MERTK: variants seen among roughly 807,000 people sequenced by gnomAD.
The protein encoded by MERTK is MER proto-oncogene, tyrosine kinase.
A neutral mutation model predicts 99.3 loss-of-function variants in MERTK; 69 were observed. The ratio of observed to expected loss-of-function variants is 0.70; its 90% CI spans 0.57 to 0.85. The LOEUF (loss-of-function observed/expected upper bound fraction) is 0.85. Among genes scored for constraint, MERTK ranks in the 40% least tolerant of loss-of-function variants. The pLI, the probability that MERTK is intolerant of heterozygous loss-of-function variation, is 0.00. For synonymous variants in MERTK, 426 were observed against 467.6 expected (o/e 0.91, Z 1.15); for missense variants, 1,125 against 1,249.4 (o/e 0.90, Z 1.50).
At position 112,022,167 on chromosome 2, in the gene MERTK, G is replaced by C. The variant is rs550873469; in HGVS notation, c.2350-91G>C. On this transcript the variant is annotated intron_variant, in intron 17 of 18. Transcript: ENST00000295408. The stretch of plus-strand genomic sequence containing the variant: ...TTGCCAGCTTTGTGCATGATCATCA[G>C]TGTTTAAGGAAATGACCTTTCCCAG... 5 of 1,559,206 alleles carry C rather than the reference G, an allele frequency of 3.2e-6. No individual in the cohort carries two copies. The South Asian group carries it at 5.6e-5, about 18-fold the overall frequency.
intron 1 of MERTK, among the ~76,000 whole-genome samples, chr2:111,919,218 TC>T (rs1328674997): frequency 1.3e-5 from 2 of 152,068 alleles, no homozygotes; most frequent in Non-Finnish European, 2.9e-5. Flanking sequence ...ATTTGCGAGC[TC>T]CATCCAGGCC....
At chr2:111,960,480 CAAAAAAAAAAAA>C (rs61179378) in intron 4 of MERTK, among the ~76,000 whole-genome samples, 9 of 75,926 alleles carry the variant, frequency 1.2e-4, no homozygotes, top group East Asian at 4.9e-4. Context: ...GTCTCAGTCT[CAAAAAAAAAAAA>C]AAAAAAAAAG....
chr2:111,970,372 T>G, intron 6 of MERTK, among the ~76,000 whole-genome samples: 1 of 151,706 alleles, frequency 6.6e-6, no homozygotes, highest in East Asian at 2.0e-4. Context: ...GACCAGGCTG[T>G]TCTCAAACTC....
intron 15 of MERTK, 81 bp downstream of exon 15, chr2:112,010,147 G>A (rs928721478): frequency 9.3e-7 from 1 of 1,078,364 alleles, no homozygotes; most frequent in Non-Finnish European, 1.4e-6. Context: ...ATCTAATCTT[G>A]AAAGTGAAGC....
chr2:111,968,019 C>T (rs1685391057), intron 5 of MERTK, 118 bp from the exon 6 acceptor site: 1 of 759,286 alleles, frequency 1.3e-6, no homozygotes, highest in Non-Finnish European at 2.3e-6. Context: ...AACATGTTTC[C>T]CTTTACTAAT....
intron 5 of MERTK, among the ~76,000 whole-genome samples, chr2:111,967,763 G>A (rs1468680511): frequency 6.6e-6 from 1 of 152,194 alleles, no homozygotes; most frequent in Non-Finnish European, 1.5e-5. Flanking sequence ...CGAGGGCAGG[G>A]CTATGACTCT....
intron 1 of MERTK, among the ~76,000 whole-genome samples, chr2:111,907,182 G>A (rs35735892): frequency 0.23 from 34,998 of 152,060 alleles, 4,342 homozygotes; most frequent in Middle Eastern, 0.37. Context: ...TGGGAGGTCA[G>A]GGTGGGTGGA....
chr2:111,997,063 A>T (rs1209159126), intron 9 of MERTK: 1 of 495,610 alleles, frequency 2.0e-6, no homozygotes, highest in Non-Finnish European at 3.6e-6. Context: ...TAATTGAAAA[A>T]TTGTATATAC....
intron 8 of MERTK, among the ~76,000 whole-genome samples, chr2:111,992,562 C>G (rs551161432): frequency 2.0e-5 from 3 of 152,066 alleles, no homozygotes; most frequent in South Asian, 4.2e-4. Context: ...ACCATCATGG[C>G]CAACATGGTG....
chr2:111,929,696 C>T (rs56348540), intron 2 of MERTK, among the ~76,000 whole-genome samples, 156 bp downstream of exon 2: 3,189 of 151,986 alleles, frequency 0.021, 56 homozygotes, highest in Middle Eastern at 0.068. Flanking sequence ...AAACGATTCT[C>T]CTGCCTCAGC....
chr2:111,932,644 A>G (rs1398107145), intron 2 of MERTK, among the ~76,000 whole-genome samples: 1 of 152,260 alleles, frequency 6.6e-6, no homozygotes. Flanking sequence ...GGAAAGAAAC[A>G]TGAAATGCAG....
intron 1 of MERTK, among the ~76,000 whole-genome samples, chr2:111,924,384 G>C (rs564006038): frequency 6.6e-6 from 1 of 152,112 alleles, no homozygotes. Flanking sequence ...TGCCAGGATC[G>C]CATCTTTCCT....
chr2:111,951,939 C>T (rs1188541985), intron 4 of MERTK, among the ~76,000 whole-genome samples: 1 of 151,560 alleles, frequency 6.6e-6, no homozygotes, highest in African/African-American at 2.4e-5. Context: ...AAAATCTGTC[C>T]ATCTCTGTTT....
At chr2:112,011,538 G>C (rs1330063927) in intron 15 of MERTK, among the ~76,000 whole-genome samples, 1 of 152,046 alleles carries the variant, frequency 6.6e-6, no homozygotes, top group African/African-American at 2.4e-5. Flanking sequence ...AATCACTTGA[G>C]GTCAGTTCGA....
At position 111,929,101 on chromosome 2, in the gene MERTK, T is replaced by G; in HGVS notation, c.62-19T>G. 1 of 1,614,152 alleles carries G rather than the reference T, an allele frequency of 6.2e-7. No homozygotes were observed. The highest frequency in any genetic ancestry group is 8.5e-7 in the Non-Finnish European group (1 of 1,180,008). On this transcript the variant is annotated intron_variant, in intron 1 of 18. Transcript: ENST00000295408. ...TCTTCTTATTTAAAAGGCTAAAATTTGGATGTTCTGTTTTACAGCTATCAC... is the reference window on the plus strand; with the variant it reads ...TCTTCTTATTTAAAAGGCTAAAATTGGGATGTTCTGTTTTACAGCTATCAC...
intron 5 of MERTK, 91 bp from the exon 6 acceptor site, chr2:111,968,046 A>G (rs1558790065): frequency 2.2e-6 from 2 of 893,732 alleles, no homozygotes; most frequent in Non-Finnish European, 3.7e-6. Context: ...GAACGAAAAC[A>G]GGTATTAATG....
intron 1 of MERTK, among the ~76,000 whole-genome samples, chr2:111,922,267 T>C (rs547826397): frequency 6.6e-6 from 1 of 152,264 alleles, no homozygotes; most frequent in East Asian, 1.9e-4. Context: ...CAATTTCAGT[T>C]GCTGCTGCTT....
At chr2:111,970,661 A>G (rs1676087717) in intron 6 of MERTK, among the ~76,000 whole-genome samples, 1 of 151,506 alleles carries the variant, frequency 6.6e-6, no homozygotes, top group East Asian at 1.9e-4. Flanking sequence ...TAAGTATGAA[A>G]GTCCTCCTCC....
intron 2 of MERTK, among the ~76,000 whole-genome samples, chr2:111,940,128 C>G (rs189017262): frequency 6.6e-6 from 1 of 151,088 alleles, no homozygotes; most frequent in East Asian, 1.9e-4. Flanking sequence ...TTCTACTTTC[C>G]TAAACTTTAT....
Sources: allele counts gnomAD v4.1 joint callset (sites outside exome capture counted in the v4.1 genomes callset), GRCh38; gene constraint gnomAD v4.1.1; transcripts MANE v1.5; gene names NCBI Gene and HGNC (gene_info 2026-07-23, HGNC 2026-07-21).